Variants in ATP6V1B2 observed in about 807,000 individuals in gnomAD.
The protein encoded by ATP6V1B2 is V-type proton ATPase subunit B, brain isoform.
In ATP6V1B2, 23 loss-of-function variants were observed where a neutral mutation model predicts 66.7. The observed-to-expected ratio is 0.34, with a 90% CI of 0.25 to 0.49. The LOEUF is 0.49. ATP6V1B2 is among the 20% of genes least tolerant of loss of function. ATP6V1B2 has a pLI of 0.99. For missense variants in ATP6V1B2, 478 were observed against 650.8 expected (o/e 0.73, Z 2.89); for synonymous variants, 278 against 236.7 (o/e 1.17, Z -1.60).
chr8:20,201,886 C>T (rs2072691205), intron 1 of ATP6V1B2, among the ~76,000 whole-genome samples: 2 of 151,888 alleles, frequency 1.3e-5, no homozygotes. Flanking sequence ...GAAAGAGTCC[C>T]AGGGTGGTTC....
intron 13 of ATP6V1B2, 55 bp downstream of exon 13, chr8:20,218,337 C>G: frequency 6.3e-7 from 1 of 1,586,022 alleles, no homozygotes; most frequent in Non-Finnish European, 8.6e-7. Context: ...ATTTTGAAAA[C>G]TGCTTTCCAA....
intron 2 of ATP6V1B2, among the ~76,000 whole-genome samples, chr8:20,204,750 A>G (rs914434756): frequency 3.9e-5 from 6 of 152,168 alleles, no homozygotes; most frequent in African/African-American, 1.4e-4. Context: ...ATATCATCCA[A>G]GAAAATAATT....
intron 1 of ATP6V1B2, among the ~76,000 whole-genome samples, chr8:20,201,745 C>T (rs2072689993): frequency 6.6e-6 from 1 of 152,126 alleles, no homozygotes; most frequent in East Asian, 1.9e-4. Context: ...CCATTTTCTG[C>T]TCCTTTTAAC....
intron 8 of ATP6V1B2, 24 bp downstream of exon 8, chr8:20,212,223 C>T (rs2072802305): frequency 1.2e-6 from 2 of 1,603,810 alleles, no homozygotes; most frequent in Non-Finnish European, 1.7e-6. Flanking sequence ...CTATTTCTTT[C>T]TGTGGCCCAG....
intron 1 of ATP6V1B2, among the ~76,000 whole-genome samples, chr8:20,200,946 T>C (rs2072679494): frequency 6.6e-6 from 1 of 152,262 alleles, no homozygotes; most frequent in South Asian, 2.1e-4. Context: ...ATGCAATGGC[T>C]GTCAACTTTT....
chr8:20,206,996 A>G (rs997680134), intron 2 of ATP6V1B2, among the ~76,000 whole-genome samples: 2 of 152,234 alleles, frequency 1.3e-5, no homozygotes, highest in African/African-American at 4.8e-5. Flanking sequence ...ATCCAGTGGC[A>G]GACAATTAGA....
At chr8:20,218,625 T>C (rs2072878504) in intron 13 of ATP6V1B2, among the ~76,000 whole-genome samples, 1 of 152,194 alleles carries the variant, frequency 6.6e-6, no homozygotes, top group South Asian at 2.1e-4. Flanking sequence ...CATTTGGGGC[T>C]TGGGACTTTC....
intron 13 of ATP6V1B2, among the ~76,000 whole-genome samples, chr8:20,219,991 C>T (rs1054945342): frequency 9.9e-5 from 15 of 152,112 alleles, no homozygotes; most frequent in Non-Finnish European, 1.9e-4. Flanking sequence ...GTATCCTACC[C>T]AGTTGTCAAA....
chr8:20,212,310 T>G, intron 8 of ATP6V1B2, 111 bp downstream of exon 8: 1 of 975,282 alleles, frequency 1.0e-6, no homozygotes, highest in Non-Finnish European at 1.6e-6. Context: ...AACAATGAGG[T>G]AACCCTGTAT....
intron 9 of ATP6V1B2, 175 bp downstream of exon 9, chr8:20,213,080 G>T (rs1037747611): frequency 6.7e-6 from 5 of 748,938 alleles, no homozygotes; most frequent in East Asian, 6.1e-5. Flanking sequence ...CTTGGTAGAA[G>T]TGATTAGAGG....
intron 10 of ATP6V1B2, chr8:20,215,455 G>A (rs897030002): frequency 6.5e-6 from 1 of 152,772 alleles, no homozygotes; most frequent in African/African-American, 2.4e-5. Context: ...GTGTGCCCAG[G>A]ATGGGGTACG....
At chr8:20,216,117 A>G (rs1043935112) in intron 10 of ATP6V1B2, 2 of 211,756 alleles carry the variant, frequency 9.4e-6, no homozygotes, top group African/African-American at 4.6e-5. Flanking sequence ...GGTTGCCGCT[A>G]GCCACATTTG....
chr8:20,209,469 C>T lies in ATP6V1B2; in HGVS notation c.229C>T (p.Pro77Ser), dbSNP rs751273056. 8 of 1,613,948 alleles carry T rather than the reference C, an allele frequency of 5.0e-6. No homozygotes were observed. In the East Asian group the frequency reaches 1.3e-4, roughly 27 times the overall value. ...RYAEIVHLTL[P>S]DGTKRSGQVL... is the part of the protein sequence containing the mutation. ...TGCTGAAATTGTCCATTTGACCTTA[C>T]CGGATGGCACAAAGAGAAGTGGGCA... The change falls in exon 3 of 14, where the codon CCG becomes TCG. Residue 77 changes from proline to serine, a missense_variant. This residue lies in a region of ATP6V1B2 where 152 missense variants were observed against 105.2 expected (regional missense o/e 1.44). Coordinates refer to ENST00000276390, the MANE Select transcript of ATP6V1B2 (RefSeq NM_001693.4).
chr8:20,218,053 G>T, intron 12 of ATP6V1B2, 100 bp from the exon 13 acceptor site: 1 of 1,392,220 alleles, frequency 7.2e-7, no homozygotes, highest in Non-Finnish European at 9.6e-7. Context: ...TCCTTCTATG[G>T]GCTCTTGTGA....
At chr8:20,203,928 C>T (rs1264370599) in intron 1 of ATP6V1B2, 2 of 450,882 alleles carry the variant, frequency 4.4e-6, no homozygotes, top group African/African-American at 2.0e-5. Context: ...GTTTTTATGA[C>T]ACCATTTAAT....
In ATP6V1B2 at chr8:20,212,837, T is replaced by C; in HGVS notation, c.859T>C (p.Tyr287His). 6.2e-7 allele frequency: 1 copy of C among 1,613,856 alleles called. No individual in the cohort carries two copies. The highest frequency in any genetic ancestry group is 8.5e-7 in the Non-Finnish European group (1 of 1,179,796). Residue 287 changes from tyrosine (Y) to histidine (H), a missense_variant, in exon 9 of 14, where the codon TAC (tyrosine) becomes CAC (histidine). Around this residue, in one of 2 missense-constraint regions of ATP6V1B2, gnomAD observed 326 missense variants for 545.6 expected, o/e 0.60. Transcript: ENST00000276390. ...TCTAACCACAGCTGAATTTCTGGCG[T>C]ACCAATGTGAGAAACATGTATTGGT... Reference protein sequence around the residue: ...LALTTAEFLAYQCEKHVLVIL... With the variant: ...LALTTAEFLAHQCEKHVLVIL...
At chr8:20,205,571 G>C (rs1399533324) in intron 2 of ATP6V1B2, among the ~76,000 whole-genome samples, 1 of 152,134 alleles carries the variant, frequency 6.6e-6, no homozygotes, top group Non-Finnish European at 1.5e-5. Context: ...GGTGAGGGAA[G>C]ACTGGTAAAT....
chr8:20,217,298 G>A lies in ATP6V1B2; in HGVS notation c.1240G>A (p.Asp414Asn), dbSNP rs1342758124. 6.2e-7 allele frequency: 1 copy of A among 1,612,480 alleles called. No individual in the cohort carries two copies. The highest frequency in any genetic ancestry group is 1.7e-5 in the Admixed American group (1 of 59,982). The change falls in exon 12 of 14, where the codon GAT becomes AAT. Residue 414 changes from aspartate to asparagine, a missense_variant. By Grantham distance (23) the Asp-to-Asn change is conservative. Transcript: ENST00000276390. ...TATTGGAGAAGGGATGACCAGGAAG[G>A]ATCATGCCGATGTATCTAACCAGCT... ...SAIGEGMTRK[D>N]HADVSNQLYA...
chr8:20,218,299 C>T lies in ATP6V1B2; in HGVS notation c.1396+17C>T, dbSNP rs1014532975. 10 of 1,605,204 alleles carry T rather than the reference C, an allele frequency of 6.2e-6. No individual in the cohort carries two copies. Among genetic ancestry groups the T allele is most frequent in the Admixed American group, 1.7e-5 (1 of 57,686 alleles). On this transcript the variant is annotated intron_variant, in intron 13 of 13. Transcript: ENST00000276390. ...TTGCTCAGGGTAAGATGACTGTTGG[C>T]TTACAAACATAAAAAGCCTCATATG...
Sources: gnomAD v4.1 joint callset for allele counts (sites outside exome capture counted in the v4.1 genomes callset) on GRCh38, gnomAD v4.1.1 for gene constraint, gnomAD v4.1.1 regional missense constraint, MANE v1.5 for transcripts, NCBI Gene and HGNC (gene_info 2026-07-23, HGNC 2026-07-21) for gene names.